UTP20: variants seen among roughly 807,000 people sequenced by gnomAD.
UTP20 encodes small subunit processome component 20 homolog.
UTP20 carries 164 observed loss-of-function variants against 329.5 expected under a neutral mutation model. The ratio of observed to expected loss-of-function variants is 0.50; its 90% CI spans 0.44 to 0.57. The LOEUF is 0.57. Among genes scored for constraint, UTP20 ranks in the 20% least tolerant of loss-of-function variants. The probability of loss-of-function intolerance (pLI) is 0.00; values close to 1 mark genes in which losing one functional copy is unlikely to be tolerated. For missense variants in UTP20, 3,055 were observed against 3,284.2 expected (o/e 0.93, Z 1.71); for synonymous variants, 1,151 against 1,159.3 (o/e 0.99, Z 0.14).
chr12:101,385,980 C>A lies in UTP20; in HGVS notation c.8215C>A (p.Pro2739Thr), dbSNP rs550346514. The A allele has an allele frequency of 2.9e-5, 46 of 1,585,506 alleles. 1 individual carries two copies. The South Asian group carries it at 4.9e-4, about 17-fold the overall frequency. Residue 2739 changes from proline (P) to threonine (T), a missense_variant, in exon 62 of 62, where the codon CCT (proline) becomes ACT (threonine). Physicochemically the swap from Pro to Thr is conservative, Grantham distance 38. Transcript: ENST00000261637. ...KRKALEFVTNPDIAAKKKMKK... is the reference protein window; with the variant it reads ...KRKALEFVTNTDIAAKKKMKK... The stretch of plus-strand genomic sequence containing the variant: ...TTCTCTTTTCCAGTTTGTAACTAAT[C>A]CTGATATTGCTGCCAAGAAAAAAAT...
intron 22 of UTP20, among the ~76,000 whole-genome samples, chr12:101,319,137 C>T (rs1323213013): frequency 2.0e-5 from 3 of 152,216 alleles, no homozygotes; most frequent in Non-Finnish European, 4.4e-5. Flanking sequence ...TGTTGCCTGA[C>T]ATCTGTATTT....
chr12:101,356,787 AG>A, intron 42 of UTP20, 94 bp downstream of exon 42: 1 of 1,508,976 alleles, frequency 6.6e-7, no homozygotes, highest in African/African-American at 1.4e-5. Flanking sequence ...AAGAGGAAAA[AG>A]TACTGTCATA....
At position 101,355,076 on chromosome 12, in the gene UTP20, C is replaced by CGG. The variant is rs781071972; in HGVS notation, c.5355_5356dup (p.Asp1786GlyfsTer29). ...TTAAAAATATCCAAGGAACCATAAC[C>CGG]GGGGATATTCTCCCCAGGCTACATA... On this transcript the variant is annotated frameshift_variant, in exon 41 of 62. Coordinates refer to ENST00000261637, the MANE Select transcript of UTP20 (RefSeq NM_014503.3). LOFTEE classifies it high-confidence loss of function. 6.2e-7 allele frequency: 1 copy of CGG among 1,614,068 alleles called. No homozygotes were observed. The highest frequency in any genetic ancestry group is 1.3e-5 in the African/African-American group (1 of 75,022).
intron 43 of UTP20, among the ~76,000 whole-genome samples, chr12:101,357,797 AGTAGTTAC>A (rs1869772215): frequency 6.6e-6 from 1 of 152,142 alleles, no homozygotes; most frequent in Admixed American, 6.6e-5. Context: ...CAGCACTCCA[AGTAGTTAC>A]GTGGTATCTA....
intron 35 of UTP20, among the ~76,000 whole-genome samples, chr12:101,343,701 G>T (rs1172716436): frequency 6.6e-6 from 1 of 152,036 alleles, no homozygotes; most frequent in Non-Finnish European, 1.5e-5. Context: ...TATTAGAGAC[G>T]AGGTTTCACC....
At chr12:101,355,443 C>G (rs966075359) in intron 41 of UTP20, among the ~76,000 whole-genome samples, 2 of 152,148 alleles carry the variant, frequency 1.3e-5, no homozygotes, top group Non-Finnish European at 2.9e-5. Flanking sequence ...CTGGTCAGTT[C>G]TGCACTATTC....
At chr12:101,321,087 A>G in intron 24 of UTP20, 150 bp downstream of exon 24, 1 of 668,854 alleles carries the variant, frequency 1.5e-6, no homozygotes, top group Non-Finnish European at 2.4e-6. Flanking sequence ...AATGAAAACG[A>G]GTAGTATATT....
intron 57 of UTP20, among the ~76,000 whole-genome samples, chr12:101,379,820 G>GT (rs955399929): frequency 2.3e-4 from 34 of 149,522 alleles, no homozygotes; most frequent in South Asian, 2.1e-4. Flanking sequence ...ATATGTTTAA[G>GT]TTTTTTTTTT....
Position 101,334,433 on chromosome 12 carries a change from G to A in UTP20, c.3570G>A (p.Arg1190=). 1 of 1,611,618 alleles carries A rather than the reference G, an allele frequency of 6.2e-7. No homozygotes were observed. Among genetic ancestry groups the A allele is most frequent in the South Asian group, 1.1e-5 (1 of 90,950 alleles). Residue 1190 remains arginine, a synonymous_variant, in exon 29 of 62, where the codon AGG becomes AGA. Transcript: ENST00000261637. ...FHGAVWPQIS[R]LGSESQYSPT... ...TTTACTTTGTCTCCTAGATCAGCAGGCTTGGATCTGAGAGTCAATATTCTC... is the reference window on the plus strand; with the variant it reads ...TTTACTTTGTCTCCTAGATCAGCAGACTTGGATCTGAGAGTCAATATTCTC...
At position 101,281,209 on chromosome 12, in the gene UTP20, G is replaced by A. The variant is rs1871786570; in HGVS notation, c.126+13G>A. 1.3e-6 allele frequency: 2 copies of A among 1,598,772 alleles called. No homozygotes were observed. The highest frequency in any genetic ancestry group is 2.7e-5 in the African/African-American group (2 of 74,508). On this transcript the variant is annotated intron_variant, in intron 2 of 61. Transcript: ENST00000261637. ...AAGCTATGAGGAGGTAAGAGAATGT[G>A]ATACTAGTCAATCTTCAAGTGTTCA... is the stretch of plus-strand genomic sequence containing the variant.
chr12:101,384,483 G>C (rs1263006077), intron 60 of UTP20, among the ~76,000 whole-genome samples: 1 of 152,238 alleles, frequency 6.6e-6, no homozygotes, highest in Non-Finnish European at 1.5e-5. Flanking sequence ...CGAGGCTTCA[G>C]TGAGCCGTGA....
At chr12:101,325,977 A>G (rs183945500) in intron 25 of UTP20, among the ~76,000 whole-genome samples, 116 of 152,340 alleles carry the variant, frequency 7.6e-4, no homozygotes, top group African/African-American at 2.7e-3. Context: ...AAATGTGTCA[A>G]CATTTGACAT....
At chr12:101,341,048 T>C (rs1203419084) in intron 32 of UTP20, among the ~76,000 whole-genome samples, 1 of 140,216 alleles carries the variant, frequency 7.1e-6, no homozygotes, top group Non-Finnish European at 1.5e-5. Context: ...AAATCTCGGC[T>C]CACTGCAACC....
chr12:101,288,864 A>G (rs1284048095), intron 5 of UTP20, 96 bp from the exon 6 acceptor site: 1 of 1,091,682 alleles, frequency 9.2e-7, no homozygotes, highest in African/African-American at 1.6e-5. Flanking sequence ...TATTCCTTGC[A>G]TACCCAGCAC....
At position 101,335,009 on chromosome 12, in the gene UTP20, G is replaced by A. The variant is rs560317309; in HGVS notation, c.3641+505G>A. 2.0e-5 allele frequency among the ~76,000 whole-genome samples: 3 copies of A among 152,016 alleles called. No individual in the cohort carries two copies. In the East Asian group the frequency reaches 5.8e-4, roughly 29 times the overall value. ...AGATAAAAAGATAAATTGCTAGACAGTATATATAGTGTGATCCAGGAAAGT... is the reference window on the plus strand; with the variant it reads ...AGATAAAAAGATAAATTGCTAGACAATATATATAGTGTGATCCAGGAAAGT... On this transcript the variant is annotated intron_variant, in intron 29 of 61. Transcript: ENST00000261637.
intron 21 of UTP20, among the ~76,000 whole-genome samples, chr12:101,315,763 A>G (rs966578093): frequency 1.3e-5 from 2 of 152,242 alleles, no homozygotes; most frequent in Admixed American, 6.5e-5. Flanking sequence ...AGGGCTGTAC[A>G]TATGCCAGCT....
chr12:101,299,499 G>A (rs531603421), intron 12 of UTP20, among the ~76,000 whole-genome samples, 183 bp from the exon 13 acceptor site: 1 of 152,220 alleles, frequency 6.6e-6, no homozygotes, highest in South Asian at 2.1e-4. Flanking sequence ...TAGAGCCAGT[G>A]GAGTTGAAAA....
At chr12:101,356,437 C>T in intron 41 of UTP20, 117 bp from the exon 42 acceptor site, 1 of 1,022,888 alleles carries the variant, frequency 9.8e-7, no homozygotes, top group Non-Finnish European at 1.4e-6. Flanking sequence ...TTTCTTTCTT[C>T]TTTTTATGAT....
chr12:101,292,171 G>T, intron 10 of UTP20, 67 bp downstream of exon 10: 1 of 1,525,628 alleles, frequency 6.6e-7, no homozygotes. Context: ...AACCTTCTGA[G>T]GAATACAAGT....
Sources: gnomAD v4.1 joint callset for allele counts (sites outside exome capture counted in the v4.1 genomes callset) on GRCh38, gnomAD v4.1.1 for gene constraint, MANE v1.5 for transcripts, NCBI Gene and HGNC (gene_info 2026-07-23, HGNC 2026-07-21) for gene names.